Variants in TMEM94 observed in about 807,000 individuals in gnomAD.
TMEM94 encodes the protein ER Mg2+ ATPase.
A neutral mutation model predicts 158.6 loss-of-function variants in TMEM94; 81 were observed. The ratio of observed to expected loss-of-function variants is 0.51; its 90% confidence interval spans 0.43 to 0.61. The LOEUF (loss-of-function observed/expected upper bound fraction) is 0.61, where lower values mean the gene tolerates loss of function less well. Ranked by LOEUF, TMEM94 falls within the 20% of genes least tolerant of loss-of-function variation. The probability of loss-of-function intolerance (pLI) is 0.00; values close to 1 mark genes in which losing one functional copy is unlikely to be tolerated. For synonymous variants in TMEM94, 751 were observed against 730.7 expected, an observed-to-expected ratio of 1.03 and a Z score of -0.45; for missense variants, 1,435 against 1,762.0, an observed-to-expected ratio of 0.81 and a Z score of 3.32.
chr17:75,489,265 G>C lies in TMEM94; in HGVS notation c.765-1G>C, dbSNP rs1352010373. ...AGACTGACAGTCACTTCTTTCTGCAGATGGTGCCTGGACATGGCCCTGTCC... is the reference window on the plus strand; with the variant it reads ...AGACTGACAGTCACTTCTTTCTGCACATGGTGCCTGGACATGGCCCTGTCC... On this transcript the variant is annotated splice_acceptor_variant, in intron 7 of 31. Coordinates refer to ENST00000314256, the MANE Select transcript of TMEM94 (RefSeq NM_014738.6). LOFTEE classifies it high-confidence loss of function. The surrounding 1 kb of genome is among the most constrained non-coding windows in gnomAD (Gnocchi z 5.0). 6.2e-7 allele frequency: 1 copy of C among 1,614,056 alleles called. No individual in the cohort carries two copies. Among genetic ancestry groups the C allele is most frequent in the African/African-American group, 1.3e-5 (1 of 75,068 alleles).
At chr17:75,493,443 G>A (rs72851929) in intron 16 of TMEM94, 48 bp from the exon 17 acceptor site, 6 of 1,577,238 alleles carry the variant, frequency 3.8e-6, no homozygotes, top group East Asian at 2.2e-5. Flanking sequence ...TCAGGTCAGC[G>A]TGAGGGGGCT....
chr17:75,493,135 G>A (rs1236452261), intron 16 of TMEM94, 33 bp downstream of exon 16: 4 of 1,602,562 alleles, frequency 2.5e-6, no homozygotes, highest in East Asian at 2.2e-5. Context: ...AGCACCAGGC[G>A]AGACCTTCCA....
rs374467930 is a variant in TMEM94, at chr17:75,488,839, G to T, written c.693G>T (p.Glu231Asp). 41 of 1,612,628 alleles carry T rather than the reference G, an allele frequency of 2.5e-5. No individual in the cohort carries two copies. The highest frequency in any genetic ancestry group is 3.0e-5 in the Non-Finnish European group (35 of 1,179,210). Residue 231 changes from glutamate to aspartate, a missense_variant, in exon 7 of 32, where the codon GAG becomes GAT. Transcript: ENST00000314256. ...CACCCTCACCCCGGGGAGAAGTGGA[G>T]AGAGGGCCACAGAGCCCCCAGCAGC... is the stretch of plus-strand genomic sequence containing the variant. ...SPPPSPRGEVERGPQSPQQHR... is the reference protein window; with the variant it reads ...SPPPSPRGEVDRGPQSPQQHR...
At chr17:75,478,263 C>T (rs1284955254) in intron 2 of TMEM94, among the ~76,000 whole-genome samples, 6 of 143,602 alleles carry the variant, frequency 4.2e-5, no homozygotes, top group South Asian at 2.2e-4. Flanking sequence ...GTGATCCGCC[C>T]GCCTCGGCCT....
chr17:75,498,978 C>T lies in TMEM94; in HGVS notation c.3894C>T (p.Val1298=), dbSNP rs1244656499. The part of the protein sequence containing the change: ...LQLWTHRDSH[V]HFGLEDVPLL... ...TGTGGACACACAGGGACAGCCACGT[C>T]CACTTTGGCCTGGAGGACGTGCCCC... Residue 1298 remains valine, a synonymous_variant, in exon 31 of 32, where the codon GTC becomes GTT. Coordinates refer to ENST00000314256, the MANE Select transcript of TMEM94 (RefSeq NM_014738.6). The surrounding 1 kb of genome is among the most constrained non-coding windows in gnomAD (Gnocchi z 6.7). 1.9e-6 allele frequency: 3 copies of T among 1,598,614 alleles called. No homozygotes were observed. Among genetic ancestry groups the T allele is most frequent in the Non-Finnish European group, 1.7e-6 (2 of 1,173,038 alleles).
intron 31 of TMEM94, 54 bp from the exon 32 acceptor site, chr17:75,499,208 G>C: frequency 6.2e-7 from 1 of 1,606,898 alleles, no homozygotes. Flanking sequence ...TCCTGCCCCG[G>C]CCCCTGGTCT....
At position 75,491,947 on chromosome 17, in the gene TMEM94, C is replaced by T. The variant is rs1400599042; in HGVS notation, c.1596+47C>T. ...GGGCAGCCACACCCTCGGCCACAGG[C>T]TGTCCTGGCCTCCCTGGCCAGCCTG... On this transcript the variant is annotated intron_variant, in intron 14 of 31. Coordinates refer to ENST00000314256, the MANE Select transcript of TMEM94 (RefSeq NM_014738.6). The surrounding 1 kb of genome is among the most constrained non-coding windows in gnomAD (Gnocchi z 5.1). 6.5e-7 allele frequency: 1 copy of T among 1,548,122 alleles called. No individual in the cohort carries two copies. Among genetic ancestry groups the T allele is most frequent in the Non-Finnish European group, 8.8e-7 (1 of 1,138,434 alleles).
chr17:75,493,675 C>T (rs1598422447), intron 17 of TMEM94, 24 bp from the exon 18 acceptor site: 13 of 1,613,726 alleles, frequency 8.1e-6, no homozygotes, highest in African/African-American at 1.3e-5. Context: ...ACACTCACCT[C>T]ACCTCCGCCT....
chr17:75,483,406 A>C (rs1332883790), intron 2 of TMEM94, among the ~76,000 whole-genome samples: 1 of 151,250 alleles, frequency 6.6e-6, no homozygotes, highest in African/African-American at 2.4e-5. Flanking sequence ...AGTCACTGTG[A>C]GAGGAAAGGT....
Position 75,490,727 on chromosome 17 carries a change from T to C in TMEM94, c.1097T>C (p.Leu366Pro). The C allele has an allele frequency of 6.2e-7, 1 of 1,614,142 alleles. No individual in the cohort carries two copies. Among genetic ancestry groups the C allele is most frequent in the African/African-American group, 1.3e-5 (1 of 75,050 alleles). ...CTGGCTAAGTTCTCAGAGGATACTCTCAGCAGCTATACGGAGGCTGTCTCC... is the reference window on the plus strand; with the variant it reads ...CTGGCTAAGTTCTCAGAGGATACTCCCAGCAGCTATACGGAGGCTGTCTCC... ...SLLAKFSEDT[L>P]SSYTEAVSSQ... The change falls in exon 11 of 32, where the codon CTC becomes CCC. Residue 366 changes from leucine to proline, a missense_variant. Physicochemically the swap from Leu to Pro is moderately conservative, Grantham distance 98 (BLOSUM62 -3). Around this residue, in one of 3 missense-constraint regions of TMEM94, gnomAD observed 1,051 missense variants for 1,254.4 expected, o/e 0.84. Transcript: ENST00000314256.
Position 75,496,778 on chromosome 17 carries a change from C to CTA in TMEM94, c.3292_3293insTA (p.Gln1098LeufsTer5). 6.2e-7 allele frequency: 1 copy of CTA among 1,613,928 alleles called. No individual in the cohort carries two copies. Among genetic ancestry groups the CTA allele is most frequent in the Non-Finnish European group, 8.5e-7 (1 of 1,180,034 alleles). ...CCGTAAGTGCTTCCTCTTCCTGCTG[C>CTA]AGTGCCAGCTGACTCTTGTGGTCAT... On this transcript the variant is annotated frameshift_variant, in exon 25 of 32. Transcript: ENST00000314256. LOFTEE classifies it high-confidence loss of function.
At chr17:75,497,265 G>C in intron 26 of TMEM94, 67 bp downstream of exon 26, 1 of 1,330,282 alleles carries the variant, frequency 7.5e-7, no homozygotes, top group Non-Finnish European at 1.1e-6. Flanking sequence ...TCACTGTGCA[G>C]CCCCAGGAGC....
In TMEM94 at chr17:75,487,538, G is replaced by A. The variant is rs184131355; in HGVS notation, c.410-394G>A. Among the ~76,000 whole-genome samples the A allele has an allele frequency of 1.1e-4, 17 of 152,344 alleles. No individual in the cohort carries two copies. The East Asian group carries it at 3.3e-3, about 29-fold the overall frequency. On this transcript the variant is annotated intron_variant, in intron 5 of 31. Transcript: ENST00000314256. The surrounding 1 kb of genome is among the most constrained non-coding windows in gnomAD (Gnocchi z 4.6). ...GCACAGGGATCTTTGTTAATGCTTA[G>A]CCGTGTTTGCCTTGTTTGGCGTTAT...
Position 75,470,630 on chromosome 17 carries a change from G to A in TMEM94, c.-106-1170G>A, listed in dbSNP as rs867661655. 7.9e-5 allele frequency among the ~76,000 whole-genome samples: 12 copies of A among 152,032 alleles called. No individual in the cohort carries two copies. In the South Asian group the frequency reaches 2.3e-3, roughly 29 times the overall value. ...TGAGGCAGGAGAATGGCGTGAACCC[G>A]GGAGGTGGAGCTTGCAGTGAGCCGA... On this transcript the variant is annotated intron_variant, in intron 1 of 31. Transcript: ENST00000314256.
At position 75,489,213 on chromosome 17, in the gene TMEM94, G is replaced by A. The variant is rs2051911068; in HGVS notation, c.765-53G>A. 3 of 1,547,880 alleles carry A rather than the reference G, an allele frequency of 1.9e-6. No individual in the cohort carries two copies. Among genetic ancestry groups the A allele is most frequent in the Admixed American group, 3.3e-5 (2 of 59,778 alleles). On this transcript the variant is annotated intron_variant, in intron 7 of 31. Transcript: ENST00000314256. The surrounding 1 kb of genome is among the most constrained non-coding windows in gnomAD (Gnocchi z 5.0). The stretch of plus-strand genomic sequence containing the variant: ...GAGAGGCCCAGAATCCTCCCAAGGT[G>A]TAGGTTTCTAGCCTCTCTGCCAAGT...
rs2098610564 is a variant in TMEM94, at chr17:75,485,724, C to T, written c.145-147C>T. 3.0e-6 allele frequency: 4 copies of T among 1,318,546 alleles called. No individual in the cohort carries two copies. The highest frequency in any genetic ancestry group is 4.1e-6 in the Non-Finnish European group (4 of 967,024). The allele number at this position is 1,318,546 out of a possible 1,614,324, so 81.7% of individuals were successfully genotyped here. Reference sequence around the variant, plus strand: ...TCAGAGTGGCTCCTGAGCCTGCTTGCTGCAGGAGCCCAACAGGCTGGAGCC... The same window carrying T: ...TCAGAGTGGCTCCTGAGCCTGCTTGTTGCAGGAGCCCAACAGGCTGGAGCC... On this transcript the variant is annotated intron_variant, in intron 3 of 31. Coordinates refer to ENST00000314256, the MANE Select transcript of TMEM94 (RefSeq NM_014738.6). This position sits in a 1 kb window ranked among gnomAD's most constrained non-coding sequence, Gnocchi z 5.5.
At position 75,494,994 on chromosome 17, in the gene TMEM94, C is replaced by T. The variant is rs1157045121; in HGVS notation, c.2688C>T (p.Ser896=). ...CTGGCTCCGAGATCCCCCCCTCCAG[C>T]CCCAGCCACGCAGGCTCCCTGCATG... ...DMPGSEIPPS[S]PSHAGSLHDD... Residue 896 remains serine (S), a synonymous_variant, in exon 20 of 32, where the codon AGC becomes AGT. Transcript: ENST00000314256. The T allele has an allele frequency of 6.2e-7, 1 of 1,613,266 alleles. No homozygotes were observed. The highest frequency in any genetic ancestry group is 1.3e-5 in the African/African-American group (1 of 74,912).
rs906865630 is a variant in TMEM94, at chr17:75,497,915, G to A, written c.3489+53G>A. 24 of 1,521,234 alleles carry A rather than the reference G, an allele frequency of 1.6e-5. No individual in the cohort carries two copies. In the East Asian group the frequency reaches 2.3e-4, roughly 14 times the overall value. 94.2% of individuals were successfully genotyped at this position (1,521,234 alleles called of 1,614,324 possible). Reference sequence around the variant, plus strand: ...GCAAGTGAGCATGGAAGGGACTGAGGATTGGGGGAGGAGAGAGGGGCTAAT... The same window carrying A: ...GCAAGTGAGCATGGAAGGGACTGAGAATTGGGGGAGGAGAGAGGGGCTAAT... On this transcript the variant is annotated intron_variant, in intron 27 of 31. Coordinates refer to ENST00000314256, the MANE Select transcript of TMEM94 (RefSeq NM_014738.6).
rs1265486601 is a variant in TMEM94, at chr17:75,492,498, C to A, written c.1621C>A (p.Pro541Thr). 6.3e-7 allele frequency: 1 copy of A among 1,597,204 alleles called. No homozygotes were observed. Among genetic ancestry groups the A allele is most frequent in the South Asian group, 1.1e-5 (1 of 89,208 alleles). Residue 541 changes from proline to threonine, a missense_variant, in exon 15 of 32, where the codon CCC (proline) becomes ACC (threonine). Pro to Thr is a conservative substitution (Grantham distance 38). Coordinates refer to ENST00000314256, the MANE Select transcript of TMEM94 (RefSeq NM_014738.6). The surrounding 1 kb of genome is among the most constrained non-coding windows in gnomAD (Gnocchi z 4.4). ...GACCCAGCCTGGGATGGAGAGCGAC[C>A]CCTACGAAGCAGAGGACTTTGTGTG... Reference protein sequence around the residue: ...SKTQPGMESDPYEAEDFVCDY... With the variant: ...SKTQPGMESDTYEAEDFVCDY...
Sources: allele counts gnomAD v4.1 joint callset (sites outside exome capture counted in the v4.1 genomes callset), GRCh38; gene constraint gnomAD v4.1.1; regional missense constraint gnomAD v4.1.1; non-coding constraint Gnocchi (gnomAD v3.1); transcripts MANE v1.5; gene names NCBI Gene and HGNC (gene_info 2026-07-23, HGNC 2026-07-21).